The following NUP133 variants were observed in gnomAD, a reference collection of about 807,000 sequenced individuals.
The protein encoded by NUP133 is nuclear pore complex protein Nup133.
A neutral mutation model predicts 146.2 loss-of-function variants in NUP133; 66 were observed. The observed-to-expected ratio is 0.45, with a 90% CI of 0.37 to 0.55. The LOEUF (loss-of-function observed/expected upper bound fraction) is 0.55, where lower values mean the gene tolerates loss of function less well. Among genes scored for constraint, NUP133 ranks in the 20% least tolerant of loss-of-function variants. The pLI is 0.00. For missense variants in NUP133, 1,277 were observed against 1,374.8 expected (o/e 0.93, Z 1.12); for synonymous variants, 521 against 498.8 (o/e 1.04, Z -0.59).
At chr1:229,474,558 G>A (rs1378642944) in intron 14 of NUP133, among the ~76,000 whole-genome samples, 1 of 152,102 alleles carries the variant, frequency 6.6e-6, no homozygotes, top group South Asian at 2.1e-4. Flanking sequence ...ATCTAGTGCT[G>A]CACTGTCCAA....
intron 3 of NUP133, among the ~76,000 whole-genome samples, chr1:229,501,667 C>T (rs754024): frequency 0.22 from 33,113 of 152,088 alleles, 3,820 homozygotes; most frequent in Middle Eastern, 0.27. Flanking sequence ...CTCAGAAATA[C>T]GCAAACTCAA....
At chr1:229,475,467 C>G (rs1315396688) in intron 14 of NUP133, among the ~76,000 whole-genome samples, 171 bp downstream of exon 14, 1 of 152,222 alleles carries the variant, frequency 6.6e-6, no homozygotes, top group African/African-American at 2.4e-5. Context: ...CCTGGATTAA[C>G]AGGCTTGTAC....
intron 12 of NUP133, among the ~76,000 whole-genome samples, chr1:229,482,421 T>A (rs1661236958): frequency 6.6e-6 from 1 of 152,102 alleles, no homozygotes; most frequent in Non-Finnish European, 1.5e-5. Flanking sequence ...CACTCAATAC[T>A]TCGAAAAGGA....
intron 9 of NUP133, 38 bp from the exon 10 acceptor site, chr1:229,487,651 AAAAC>A: frequency 6.9e-7 from 1 of 1,453,994 alleles, no homozygotes; most frequent in Non-Finnish European, 9.4e-7. Context: ...AACAAGAAGT[AAAAC>A]AAAAATATTT....
chr1:229,446,803 G>A (rs888643822), intron 24 of NUP133, among the ~76,000 whole-genome samples: 1 of 151,812 alleles, frequency 6.6e-6, no homozygotes, highest in Non-Finnish European at 1.5e-5. Flanking sequence ...TTCGAGTCTC[G>A]TTTGGCATGA....
chr1:229,500,612 TG>T, intron 4 of NUP133, 143 bp downstream of exon 4: 1 of 538,194 alleles, frequency 1.9e-6, no homozygotes, highest in Non-Finnish European at 3.3e-6. Context: ...CTGACCTATG[TG>T]TGTAGCTCTC....
intron 24 of NUP133, among the ~76,000 whole-genome samples, chr1:229,447,034 G>T (rs1445310075): frequency 6.6e-6 from 1 of 152,052 alleles, no homozygotes; most frequent in African/African-American, 2.4e-5. Flanking sequence ...TGAAGCAGGA[G>T]AATCACTTGA....
chr1:229,478,768 A>G (rs1210616744), intron 12 of NUP133, among the ~76,000 whole-genome samples: 1 of 152,172 alleles, frequency 6.6e-6, no homozygotes, highest in Non-Finnish European at 1.5e-5. Context: ...GGTCTTGTAA[A>G]CCATGTTATG....
chr1:229,502,146 T>C (rs760583801), intron 2 of NUP133, 44 bp from the exon 3 acceptor site: 1 of 1,392,822 alleles, frequency 7.2e-7, no homozygotes, highest in African/African-American at 1.4e-5. Context: ...ATAGTATAAA[T>C]CTTTATTACC....
chr1:229,508,133 CA>C lies in NUP133; in HGVS notation c.116del (p.Leu39ArgfsTer20). 1 of 1,595,718 alleles carries C rather than the reference CA, an allele frequency of 6.3e-7. No homozygotes were observed. Among genetic ancestry groups the C allele is most frequent in the Non-Finnish European group, 8.5e-7 (1 of 1,172,630 alleles). ...PRTASRKGLP[L>X]GSAVSSPVLF... The stretch of plus-strand genomic sequence containing the variant: ...GCACTGGGGAGCTGACTGCAGACCC[CA>C]GGGGCAGACCCTTCCTGCTAGCCGT... On this transcript the variant is annotated frameshift_variant, in exon 1 of 26. Transcript: ENST00000261396. LOFTEE classifies it high-confidence loss of function.
At chr1:229,488,871 T>A (rs1661432552) in intron 9 of NUP133, among the ~76,000 whole-genome samples, 1 of 152,058 alleles carries the variant, frequency 6.6e-6, no homozygotes, top group African/African-American at 2.4e-5. Flanking sequence ...AAACAAGGAT[T>A]TAACAGAATT....
chr1:229,448,547 C>T (rs909301881), intron 24 of NUP133, among the ~76,000 whole-genome samples: 2 of 152,174 alleles, frequency 1.3e-5, no homozygotes, highest in Non-Finnish European at 2.9e-5. Context: ...ACATAATCAA[C>T]AAATAACCAT....
intron 19 of NUP133, among the ~76,000 whole-genome samples, chr1:229,463,277 T>C (rs933591833): frequency 3.9e-5 from 6 of 152,122 alleles, no homozygotes; most frequent in Middle Eastern, 3.4e-3. Flanking sequence ...TGTGGTCCCA[T>C]CTACTGGAAA....
intron 14 of NUP133, among the ~76,000 whole-genome samples, chr1:229,473,430 T>C (rs902697841): frequency 2.6e-5 from 4 of 152,196 alleles, no homozygotes; most frequent in Non-Finnish European, 5.9e-5. Flanking sequence ...GGACAGATAC[T>C]GCTACCAGCA....
chr1:229,477,333 G>A (rs1490257029), intron 13 of NUP133, among the ~76,000 whole-genome samples: 7 of 151,466 alleles, frequency 4.6e-5, no homozygotes, highest in South Asian at 2.1e-4. Context: ...CCAGCTACTC[G>A]GGAGGCTGAG....
At position 229,441,682 on chromosome 1, in the gene NUP133, GAAC is replaced by G. The variant is rs1660186264; in HGVS notation, c.*219_*221del. ...TAAAAAGAAAGGGCACCGAGTACAG[GAAC>G]AACAACTGACACATTTCAGGTGGAA... On this transcript the variant is annotated 3_prime_UTR_variant, in exon 26 of 26. Transcript: ENST00000261396. 1.1e-5 allele frequency: 5 copies of G among 437,828 alleles called. No individual in the cohort carries two copies. The highest frequency in any genetic ancestry group is 2.7e-5 in the South Asian group (1 of 36,396). The allele number at this position is 437,828 out of a possible 1,614,324, so 27.1% of individuals were successfully genotyped here. A position where few individuals can be genotyped will look rare whatever the true frequency, so the allele number is the denominator to read the frequency against.
At chr1:229,448,831 A>G (rs1660372631) in intron 24 of NUP133, 1 of 400,556 alleles carries the variant, frequency 2.5e-6, no homozygotes, top group East Asian at 5.6e-5. Context: ...GGGAACCCCA[A>G]TTTATAGCTG....
At chr1:229,480,688 G>T (rs750655452) in intron 12 of NUP133, among the ~76,000 whole-genome samples, 1 of 152,088 alleles carries the variant, frequency 6.6e-6, no homozygotes, top group Non-Finnish European at 1.5e-5. Flanking sequence ...ATGGCATCTA[G>T]CAGGAAGTGG....
intron 21 of NUP133, among the ~76,000 whole-genome samples, chr1:229,454,857 T>A (rs1334913241): frequency 6.6e-6 from 1 of 151,982 alleles, no homozygotes; most frequent in Non-Finnish European, 1.5e-5. Context: ...GCGCTACTAG[T>A]GCAAAAAATA....
Sources: allele counts gnomAD v4.1 joint callset (sites outside exome capture counted in the v4.1 genomes callset), GRCh38; gene constraint gnomAD v4.1.1; transcripts MANE v1.5; gene names NCBI Gene and HGNC (gene_info 2026-07-23, HGNC 2026-07-21).